MEGF9: variants seen among roughly 807,000 people sequenced by gnomAD.
MEGF9 encodes multiple EGF like domains 9.
In MEGF9, 6 loss-of-function variants were observed where a neutral mutation model predicts 46.8. The observed-to-expected ratio is 0.13, with a 90% CI of 0.07 to 0.25. The LOEUF (loss-of-function observed/expected upper bound fraction) is 0.25. Among genes scored for constraint, MEGF9 ranks in the 10% least tolerant of loss-of-function variants. The pLI is 1.00. For missense variants in MEGF9, 683 were observed against 792.4 expected (o/e 0.86, Z 1.66); for synonymous variants, 302 against 330.7 (o/e 0.91, Z 0.94).
chr9:120,623,631 A>G (rs1057285491), intron 2 of MEGF9, among the ~76,000 whole-genome samples: 1 of 152,254 alleles, frequency 6.6e-6, no homozygotes, highest in Admixed American at 6.5e-5. Context: ...TAAGTAATTT[A>G]GTAAAGAAAA....
At chr9:120,681,157 C>A (rs2043797229) in intron 1 of MEGF9, among the ~76,000 whole-genome samples, 1 of 152,010 alleles carries the variant, frequency 6.6e-6, no homozygotes, top group Non-Finnish European at 1.5e-5. Flanking sequence ...CTGAAGCCAG[C>A]ACATCTCAGA....
At chr9:120,647,264 T>C (rs2043630096) in intron 2 of MEGF9, among the ~76,000 whole-genome samples, 1 of 151,998 alleles carries the variant, frequency 6.6e-6, no homozygotes, top group Non-Finnish European at 1.5e-5. Context: ...GAAAAAAACA[T>C]AGAGCTTTCC....
intron 3 of MEGF9, among the ~76,000 whole-genome samples, chr9:120,618,075 CAAAT>C (rs1341907254): frequency 6.6e-6 from 1 of 152,048 alleles, no homozygotes; most frequent in Non-Finnish European, 1.5e-5. Context: ...CGGAGAAATG[CAAAT>C]CTGATAATAA....
chr9:120,605,213 G>A lies in MEGF9; in HGVS notation c.1786C>T (p.Pro596Ser). 6.2e-7 allele frequency: 1 copy of A among 1,613,706 alleles called. No homozygotes were observed. The highest frequency in any genetic ancestry group is 1.1e-5 in the South Asian group (1 of 91,058). ...CCTTAGGCTTTGTAGTTATGTATGG[G>A]CGTCGTCAGGGTCAGCTGCCCATTG... ...APNGQLTLTT[P>S]IHNYKA The change falls in exon 6 of 6, where the codon CCC (proline) becomes TCC (serine). Residue 596 changes from proline to serine, a missense_variant. Physicochemically the swap from Pro to Ser is moderately conservative, Grantham distance 74 (BLOSUM62 -1). This residue lies in a region of MEGF9 where 313 missense variants were observed against 421.1 expected (regional missense o/e 0.74). Coordinates refer to ENST00000373930, the MANE Select transcript of MEGF9 (RefSeq NM_001080497.3). This position sits in a 1 kb window ranked among gnomAD's most constrained non-coding sequence, Gnocchi z 4.0.
chr9:120,613,525 T>G (rs1029349185), intron 3 of MEGF9, among the ~76,000 whole-genome samples: 1 of 152,014 alleles, frequency 6.6e-6, no homozygotes, highest in East Asian at 1.9e-4. Flanking sequence ...TTTGTTATAT[T>G]ATTCTCCATA....
intron 2 of MEGF9, among the ~76,000 whole-genome samples, chr9:120,654,606 T>A (rs1217284523): frequency 6.6e-6 from 1 of 152,224 alleles, no homozygotes; most frequent in Admixed American, 6.5e-5. Flanking sequence ...AATAAATGAC[T>A]TACTGGTTCA....
intron 1 of MEGF9, 79 bp from the exon 2 acceptor site, chr9:120,659,654 T>A: frequency 8.5e-7 from 1 of 1,175,994 alleles, no homozygotes; most frequent in Non-Finnish European, 1.2e-6. Context: ...ATTTTATTTT[T>A]CTTAATAAAT....
intron 2 of MEGF9, among the ~76,000 whole-genome samples, chr9:120,644,696 T>C (rs1340857658): frequency 1.3e-5 from 2 of 152,210 alleles, no homozygotes; most frequent in Admixed American, 1.3e-4. Flanking sequence ...TATTTTATCC[T>C]TACAAGACAG....
At chr9:120,658,608 T>G (rs1227877759) in intron 2 of MEGF9, among the ~76,000 whole-genome samples, 3 of 152,212 alleles carry the variant, frequency 2.0e-5, no homozygotes, top group Admixed American at 2.0e-4. Context: ...GCAGCAGATC[T>G]TGGGTTATAC....
At chr9:120,626,045 C>T (rs1373709962) in intron 2 of MEGF9, among the ~76,000 whole-genome samples, 2 of 151,928 alleles carry the variant, frequency 1.3e-5, no homozygotes. Flanking sequence ...GAACAGACCA[C>T]TTATGCTTAT....
chr9:120,696,030 T>G (rs139244558), intron 1 of MEGF9, among the ~76,000 whole-genome samples: 2 of 152,186 alleles, frequency 1.3e-5, no homozygotes, highest in Non-Finnish European at 2.9e-5. Flanking sequence ...GGATGGAGTA[T>G]GACAAGTGGC....
intron 1 of MEGF9, among the ~76,000 whole-genome samples, chr9:120,677,430 A>AT (rs1215003160): frequency 8.6e-5 from 13 of 152,024 alleles, no homozygotes; most frequent in African/African-American, 2.2e-4. Context: ...TGCGTCTGGC[A>AT]TTTTTTTTCC....
intron 1 of MEGF9, among the ~76,000 whole-genome samples, chr9:120,670,093 A>G (rs974694724): frequency 3.9e-5 from 6 of 152,130 alleles, no homozygotes; most frequent in African/African-American, 1.4e-4. Context: ...TACTTTACTC[A>G]TTAGCATTCT....
chr9:120,614,923 A>C (rs1206021614), intron 3 of MEGF9, among the ~76,000 whole-genome samples: 1 of 152,000 alleles, frequency 6.6e-6, no homozygotes, highest in African/African-American at 2.4e-5. Context: ...ATATACATAT[A>C]TACATACATA....
rs886449330 is a variant in MEGF9 at position 120,671,791 on chromosome 9, C to A, written c.602-12216G>T. 3.9e-5 allele frequency among the ~76,000 whole-genome samples: 6 copies of A among 152,206 alleles called. No homozygotes were observed. In the South Asian group the frequency reaches 1.2e-3, roughly 32 times the overall value. ...GACAGCATTATTTTGACATCAAAAC[C>A]AGATAAAAACATTACAAGAAAACTA... On this transcript the variant is annotated intron_variant, in intron 1 of 5. Coordinates refer to ENST00000373930, the MANE Select transcript of MEGF9 (RefSeq NM_001080497.3).
At chr9:120,618,792 T>C (rs1393198671) in intron 3 of MEGF9, among the ~76,000 whole-genome samples, 1 of 150,406 alleles carries the variant, frequency 6.6e-6, no homozygotes, top group Non-Finnish European at 1.5e-5. Flanking sequence ...CCCAGCTACT[T>C]GGGAGGCTGA....
At chr9:120,617,340 A>G (rs950170486) in intron 3 of MEGF9, among the ~76,000 whole-genome samples, 3 of 152,226 alleles carry the variant, frequency 2.0e-5, no homozygotes, top group Non-Finnish European at 4.4e-5. Flanking sequence ...TATTTATTTT[A>G]CCATTTCATC....
chr9:120,691,501 T>C (rs367742058), intron 1 of MEGF9: 1 of 397,196 alleles, frequency 2.5e-6, no homozygotes, highest in African/African-American at 2.2e-5. Flanking sequence ...ATTTCAAATA[T>C]GCACACTAGG....
intron 1 of MEGF9, among the ~76,000 whole-genome samples, chr9:120,700,249 G>A (rs923747133): frequency 1.3e-5 from 2 of 152,188 alleles, no homozygotes; most frequent in Non-Finnish European, 2.9e-5. Context: ...TAGTTCTTCT[G>A]ACTTCGATTC....
Sources: allele counts gnomAD v4.1 joint callset (sites outside exome capture counted in the v4.1 genomes callset), GRCh38; gene constraint gnomAD v4.1.1; regional missense constraint gnomAD v4.1.1; non-coding constraint Gnocchi (gnomAD v3.1); transcripts MANE v1.5; gene names NCBI Gene and HGNC (gene_info 2026-07-23, HGNC 2026-07-21).